The following SLC8A1 variants were observed in gnomAD, a reference collection of about 807,000 sequenced individuals.
SLC8A1 encodes solute carrier family 8 member A1.
SLC8A1 carries 18 observed loss-of-function variants against 68.3 expected under a neutral mutation model. The observed-to-expected ratio is 0.26, with a 90% confidence interval of 0.18 to 0.39. The LOEUF is 0.39. Among genes scored for constraint, SLC8A1 ranks in the 10% least tolerant of loss-of-function variants. SLC8A1 has a pLI of 1.00. For missense variants in SLC8A1, 985 were observed against 1,156.7 expected (o/e 0.85, Z 2.15); for synonymous variants, 475 against 415.5 (o/e 1.14, Z -1.74).
At chr2:40,325,848 G>A (rs1302628775) in intron 2 of SLC8A1, among the ~76,000 whole-genome samples, 2 of 150,768 alleles carry the variant, frequency 1.3e-5, no homozygotes, top group Non-Finnish European at 2.9e-5. Flanking sequence ...CAGCTACTTG[G>A]GACTGATATT....
At chr2:40,466,105 C>A (rs1389621492) in intron 1 of SLC8A1, among the ~76,000 whole-genome samples, 1 of 152,126 alleles carries the variant, frequency 6.6e-6, no homozygotes, top group Non-Finnish European at 1.5e-5. Flanking sequence ...TACCCAGTAT[C>A]AGGTATTTTT....
At chr2:40,447,120 T>C (rs1359633581) in intron 1 of SLC8A1, among the ~76,000 whole-genome samples, 1 of 152,222 alleles carries the variant, frequency 6.6e-6, no homozygotes, top group African/African-American at 2.4e-5. Flanking sequence ...TATTTACATC[T>C]AGTTTCCTAG....
chr2:40,300,685 C>G lies in SLC8A1; in HGVS notation c.1809-122830G>C, dbSNP rs1559148094. On this transcript the variant is annotated intron_variant, in intron 2 of 7. Coordinates refer to ENST00000406785, the Ensembl canonical transcript of SLC8A1. ...GAGCTCAGATTTTGGAGACCAGAAA[C>G]CTAGCCCTTCTGGCCCTAAGAATGA... Among the ~76,000 whole-genome samples, 4 of 152,108 alleles carry G rather than the reference C, an allele frequency of 2.6e-5. No individual in the cohort carries two copies. The South Asian group carries it at 8.3e-4, about 31-fold the overall frequency.
intron 2 of SLC8A1, among the ~76,000 whole-genome samples, chr2:40,281,490 G>C (rs1039078044): frequency 1.3e-5 from 2 of 152,322 alleles, no homozygotes; most frequent in African/African-American, 4.8e-5. Context: ...AAAGTGGCAA[G>C]TTAAATCAGC....
chr2:40,212,372 C>T (rs965304903), intron 2 of SLC8A1, among the ~76,000 whole-genome samples: 1 of 147,752 alleles, frequency 6.8e-6, no homozygotes, highest in Middle Eastern at 3.5e-3. Flanking sequence ...GCAACCTCTG[C>T]CTCCCGGGTT....
rs1229632792 is a variant in SLC8A1 at position 40,160,801 on chromosome 2, T to G, written c.2125A>C (p.Arg709=). 3 of 1,613,316 alleles carry G rather than the reference T, an allele frequency of 1.9e-6. No individual in the cohort carries two copies. The Admixed American group carries it at 5.0e-5, about 27-fold the overall frequency. The stretch of plus-strand genomic sequence containing the variant: ...GTGATAGCTTCAATGAACTGTTCTC[T>G]CCAGCTGTTAGTCCCAACCACAAGG... Residue 709 remains arginine, a synonymous_variant, in exon 6 of 8, where the codon AGA becomes CGA. Transcript: ENST00000406785.
intron 2 of SLC8A1, among the ~76,000 whole-genome samples, chr2:40,388,004 A>G (rs964033117): frequency 6.6e-6 from 1 of 151,782 alleles, no homozygotes; most frequent in Non-Finnish European, 1.5e-5. Flanking sequence ...CTCTCATACC[A>G]GTTAATCAAT....
chr2:40,491,036 GTC>G (rs1233348457), intron 1 of SLC8A1, among the ~76,000 whole-genome samples: 2 of 152,012 alleles, frequency 1.3e-5, no homozygotes, highest in African/African-American at 2.4e-5. Flanking sequence ...ACACGAAAGT[GTC>G]TCTCTCTCTA....
chr2:40,123,280 G>A (rs983864475), intron 7 of SLC8A1: 1 of 152,226 alleles, frequency 6.6e-6, no homozygotes, highest in African/African-American at 2.4e-5. Flanking sequence ...CAATGGTAAA[G>A]CAGCTGATCG....
At chr2:40,284,886 T>C (rs1307996460) in intron 2 of SLC8A1, among the ~76,000 whole-genome samples, 4 of 152,032 alleles carry the variant, frequency 2.6e-5, no homozygotes, top group South Asian at 2.1e-4. Context: ...ATTTCTGCAC[T>C]CCCAGGGATG....
At chr2:40,452,171 C>T (rs2149881759), upstream of SLC8A1, 1 of 145,810 alleles carries the variant, frequency 6.9e-6, no homozygotes, top group African/African-American at 2.4e-5. Context: ...CGCGCGCGCG[C>T]TCCCCCTCCC....
At chr2:40,098,790 C>T (rs962198025) in exon 8 of SLC8A1, 2 of 151,940 alleles carry the variant, frequency 1.3e-5, no homozygotes, top group African/African-American at 2.4e-5. Flanking sequence ...CTTAGAAATA[C>T]AAAATATTCA....
At chr2:40,366,676 T>C (rs1676302899) in intron 2 of SLC8A1, among the ~76,000 whole-genome samples, 1 of 151,936 alleles carries the variant, frequency 6.6e-6, no homozygotes, top group African/African-American at 2.4e-5. Flanking sequence ...AATTTGGTCT[T>C]TTTCTGGCCC....
intron 2 of SLC8A1, among the ~76,000 whole-genome samples, chr2:40,399,187 G>C (rs1377137185): frequency 6.6e-6 from 1 of 152,136 alleles, no homozygotes; most frequent in Non-Finnish European, 1.5e-5. Flanking sequence ...AATGTTGAAA[G>C]ATTTTTTATT....
At chr2:40,122,948 C>T (rs931183417) in intron 7 of SLC8A1, among the ~76,000 whole-genome samples, 1 of 151,976 alleles carries the variant, frequency 6.6e-6, no homozygotes, top group African/African-American at 2.4e-5. Context: ...GAAATTTATT[C>T]TAATTAAAGG....
chr2:40,294,172 TTACAGA>T (rs2069882677), intron 2 of SLC8A1, among the ~76,000 whole-genome samples: 2 of 152,168 alleles, frequency 1.3e-5, no homozygotes, highest in African/African-American at 4.8e-5. Flanking sequence ...AGAGTTTATC[TTACAGA>T]TAAAGTTTCA....
At chr2:40,274,693 C>G (rs961485885) in intron 2 of SLC8A1, among the ~76,000 whole-genome samples, 1 of 152,096 alleles carries the variant, frequency 6.6e-6, no homozygotes, top group African/African-American at 2.4e-5. Context: ...GATAGTAAAT[C>G]AAAATTCTAC....
At chr2:40,384,429 C>T (rs148568742) in intron 2 of SLC8A1, among the ~76,000 whole-genome samples, 1 of 152,042 alleles carries the variant, frequency 6.6e-6, no homozygotes, top group Non-Finnish European at 1.5e-5. Context: ...CAGAACCTTG[C>T]ATCATGAATC....
At chr2:40,176,377 T>C (rs2048469470) in intron 3 of SLC8A1, among the ~76,000 whole-genome samples, 1 of 152,190 alleles carries the variant, frequency 6.6e-6, no homozygotes, top group African/African-American at 2.4e-5. Flanking sequence ...TGCTCCTCCT[T>C]GAGATAAAGT....
Sources: allele counts gnomAD v4.1 joint callset (sites outside exome capture counted in the v4.1 genomes callset), GRCh38; gene constraint gnomAD v4.1.1; transcripts MANE v1.5; gene names NCBI Gene and HGNC (gene_info 2026-07-23, HGNC 2026-07-21).